FANCA: variants seen among roughly 807,000 people sequenced by gnomAD.
The protein encoded by FANCA is Fanconi anemia group A protein.
In FANCA, 236 loss-of-function variants were observed where a neutral mutation model predicts 194.3. That is an observed-to-expected ratio of 1.21 (90% CI 1.09 to 1.35). The LOEUF (loss-of-function observed/expected upper bound fraction) is 1.35. Among genes scored for constraint, FANCA ranks in the 40% most tolerant of loss-of-function variants. FANCA has a pLI of 0.00. For synonymous variants in FANCA, 1,014 were observed against 715.8 expected (o/e 1.42, Z -6.65); for missense variants, 2,628 against 1,813.9 (o/e 1.45, Z -8.15).
In FANCA at chr16:89,759,987, C is replaced by T. The variant is rs368388512; in HGVS notation, c.2853-1282G>A. On this transcript the variant is annotated intron_variant, in intron 29 of 42. Transcript: ENST00000389301. The stretch of plus-strand genomic sequence containing the variant: ...ACCGGGGTGCTCCACCCACGCTGTC[C>T]GGGACCGGGGTGCTCCACCCACGCT... 4.7e-3 allele frequency among the ~76,000 whole-genome samples: 708 copies of T among 151,922 alleles called. 4 individuals are homozygous for T. Among genetic ancestry groups the T allele is most frequent in the African/African-American group, 0.016 (673 of 41,406 alleles).
chr16:89,806,972 CG>C (rs930336206), intron 6 of FANCA, among the ~76,000 whole-genome samples: 1 of 152,032 alleles, frequency 6.6e-6, no homozygotes, highest in African/African-American at 2.4e-5. Flanking sequence ...GCTGGCCGGG[CG>C]GGGGGCTGAC....
At position 89,809,592 on chromosome 16, in the gene FANCA, G is replaced by A. The variant is rs533689314; in HGVS notation, c.522+1115C>T. On this transcript the variant is annotated intron_variant, in intron 5 of 42. Coordinates refer to ENST00000389301, the MANE Select transcript of FANCA (RefSeq NM_000135.4). ...GGGCAGGGCGCGGTGACTCACACCTGTAATCCCGGCACTTTGGGAGGCCGA... is the reference window on the plus strand; with the variant it reads ...GGGCAGGGCGCGGTGACTCACACCTATAATCCCGGCACTTTGGGAGGCCGA... 1.6e-4 allele frequency among the ~76,000 whole-genome samples: 24 copies of A among 152,124 alleles called. No homozygotes were observed. The South Asian group carries it at 4.8e-3, about 30-fold the overall frequency.
At position 89,742,861 on chromosome 16, in the gene FANCA, T is replaced by A; in HGVS notation, c.3704A>T (p.Gln1235Leu). Reference protein sequence around the residue: ...LSAAALHFAIQQVREENIRKQ... With the variant: ...LSAAALHFAILQVREENIRKQ... ...CCTGATGTTTTCTTCCCTGACTTGT[T>A]GAATCGCAAAGTGCAGTGCAGCAGC... Residue 1235 changes from glutamine (Q) to leucine (L), a missense_variant, in exon 37 of 43, where the codon CAA becomes CTA. Gln to Leu is a moderately radical substitution (Grantham distance 113). Transcript: ENST00000389301. 6.2e-7 allele frequency: 1 copy of A among 1,614,166 alleles called. No individual in the cohort carries two copies. Among genetic ancestry groups the A allele is most frequent in the Non-Finnish European group, 8.5e-7 (1 of 1,180,022 alleles).
chr16:89,789,864 G>C (rs182843888), intron 14 of FANCA, among the ~76,000 whole-genome samples: 5 of 152,228 alleles, frequency 3.3e-5, no homozygotes, highest in African/African-American at 1.2e-4. Context: ...CACATGAACT[G>C]GGGGTTTTCA....
intron 14 of FANCA, chr16:89,791,139 C>G (rs550050633): frequency 2.2e-5 from 11 of 491,440 alleles, no homozygotes; most frequent in Non-Finnish European, 4.1e-5. Context: ...CTAAGTGAGA[C>G]AGAAACCAGG....
At chr16:89,763,028 A>C (rs1318603915) in intron 28 of FANCA, among the ~76,000 whole-genome samples, 1 of 150,786 alleles carries the variant, frequency 6.6e-6, no homozygotes, top group African/African-American at 2.4e-5. Context: ...CGGGAGGATG[A>C]TGAGGTCAGG....
chr16:89,751,653 T>C (rs1436949460), intron 31 of FANCA, among the ~76,000 whole-genome samples: 1 of 152,128 alleles, frequency 6.6e-6, no homozygotes, highest in Non-Finnish European at 1.5e-5. Flanking sequence ...TAAATGCCTG[T>C]TGACTGACAG....
rs776391208 is a variant in FANCA at position 89,749,780 on chromosome 16, C to T, written c.3189G>A (p.Trp1063Ter). ...GTCTCTGAAGGCTGGCAGCCACGCTCCACCCGCTTGTCAGAGCCTGGAGCC... is the reference window on the plus strand; with the variant it reads ...GTCTCTGAAGGCTGGCAGCCACGCTTCACCCGCTTGTCAGAGCCTGGAGCC... Reference protein sequence around the residue: ...RRRLQALTSGWSVAASLQRQR... With the variant: ...RRRLQALTSG Residue 1063 changes from tryptophan (W) to a stop codon, truncating the protein, a stop_gained, in exon 32 of 43, where the codon TGG (tryptophan) becomes TGA (stop). Transcript: ENST00000389301. LOFTEE classifies it high-confidence loss of function. 1 of 1,614,216 alleles carries T rather than the reference C, an allele frequency of 6.2e-7. No individual in the cohort carries two copies. Among genetic ancestry groups the T allele is most frequent in the Non-Finnish European group, 8.5e-7 (1 of 1,180,046 alleles).
At chr16:89,811,248 C>CA (rs1432874382) in intron 3 of FANCA, among the ~76,000 whole-genome samples, 177 bp from the exon 4 acceptor site, 1 of 152,128 alleles carries the variant, frequency 6.6e-6, no homozygotes, top group Non-Finnish European at 1.5e-5. Context: ...TTTGATGATC[C>CA]AAGCAGCTCA....
Position 89,739,997 on chromosome 16 carries a change from T to A in FANCA, c.3931A>T (p.Ser1311Cys). The part of the protein sequence containing the change: ...SWLALFQLTE[S>C]DLRLGRLLLR... Reference sequence around the variant, plus strand: ...GCCTCAGCAGCGTGTTTCTTACCACTCTCTGTCAACTGAAAGAGTGCCAGC... The same window carrying A: ...GCCTCAGCAGCGTGTTTCTTACCACACTCTGTCAACTGAAAGAGTGCCAGC... Residue 1311 changes from serine (S) to cysteine (C), a missense_variant, in exon 39 of 43, where the codon AGT becomes TGT. Ser to Cys is a moderately radical substitution (Grantham distance 112, BLOSUM62 -1). Transcript: ENST00000389301. The A allele has an allele frequency of 1.9e-6, 3 of 1,614,156 alleles. No homozygotes were observed. Among genetic ancestry groups the A allele is most frequent in the South Asian group, 2.2e-5 (2 of 91,088 alleles).
At chr16:89,795,301 A>C (rs941469642) in intron 11 of FANCA, among the ~76,000 whole-genome samples, 2 of 150,334 alleles carry the variant, frequency 1.3e-5, no homozygotes, top group Admixed American at 6.7e-5. Flanking sequence ...TAAATAAATA[A>C]ATAAATAAAT....
rs2049528619 is a variant in FANCA at position 89,738,680 on chromosome 16, G to GGGTC, written c.4285_4288dup (p.Pro1430ArgfsTer17). 6.2e-7 allele frequency: 1 copy of GGGTC among 1,613,790 alleles called. No homozygotes were observed. The highest frequency in any genetic ancestry group is 8.5e-7 in the Non-Finnish European group (1 of 1,180,022). ...GCTCTGGAGGGCGGCGCTCACCTCT[G>GGGTC]GGTCGCAGTCCCCACGATCAGCCAG... On this transcript the variant is annotated frameshift_variant, in exon 43 of 43. Coordinates refer to ENST00000389301, the MANE Select transcript of FANCA (RefSeq NM_000135.4). LOFTEE classifies it low-confidence loss of function (END_TRUNC).
At position 89,738,510 on chromosome 16, in the gene FANCA, A is replaced by G; in HGVS notation, c.*91T>C. On this transcript the variant is annotated 3_prime_UTR_variant, in exon 43 of 43. Coordinates refer to ENST00000389301, the MANE Select transcript of FANCA (RefSeq NM_000135.4). ...CACTAAAGCAGTCGAGGAGATTTGT[A>G]ATCCACTTTTTAGTGCAACAAGAGC... 1 of 1,580,292 alleles carries G rather than the reference A, an allele frequency of 6.3e-7. No individual in the cohort carries two copies. Among genetic ancestry groups the G allele is most frequent in the Non-Finnish European group, 8.7e-7 (1 of 1,153,246 alleles).
rs1196444077 is a variant in FANCA at position 89,816,635 on chromosome 16, C to T, written c.-20G>A. The T allele has an allele frequency of 4.6e-6, 7 of 1,516,832 alleles. No individual in the cohort carries two copies. Among genetic ancestry groups the T allele is most frequent in the Admixed American group, 2.0e-5 (1 of 49,746 alleles). The allele number at this position is 1,516,832 out of a possible 1,614,324, so 94.0% of individuals were successfully genotyped here. A position where few individuals can be genotyped will look rare whatever the true frequency, so the allele number is the denominator to read the frequency against. ...GGACATGGCCTTGGCGCCTACAGCCCCGGCGGCGGCTCCCTGCGCCCGAGC... is the reference window on the plus strand; with the variant it reads ...GGACATGGCCTTGGCGCCTACAGCCTCGGCGGCGGCTCCCTGCGCCCGAGC... On this transcript the variant is annotated 5_prime_UTR_variant, in exon 1 of 43. Transcript: ENST00000389301.
intron 10 of FANCA, chr16:89,798,854 G>A: frequency 2.0e-6 from 3 of 1,524,372 alleles, no homozygotes; most frequent in African/African-American, 1.4e-5. Flanking sequence ...GGAAGGAGGA[G>A]CAAGGGGAGA....
intron 15 of FANCA, among the ~76,000 whole-genome samples, chr16:89,783,994 C>G (rs1168321598): frequency 1.3e-5 from 2 of 152,062 alleles, no homozygotes; most frequent in African/African-American, 4.8e-5. Flanking sequence ...CTCCTGACCT[C>G]AAGTGATCTG....
intron 11 of FANCA, among the ~76,000 whole-genome samples, chr16:89,795,248 G>A (rs374856518): frequency 1.5e-4 from 22 of 150,856 alleles, no homozygotes; most frequent in East Asian, 1.2e-3. Flanking sequence ...TCACGCCACT[G>A]TACTCCAACC....
At chr16:89,806,557 G>A (rs936177686) in intron 6 of FANCA, among the ~76,000 whole-genome samples, 1 of 151,426 alleles carries the variant, frequency 6.6e-6, no homozygotes, top group African/African-American at 2.4e-5. Flanking sequence ...GACTCTTAAC[G>A]AGCATGCTGC....
In FANCA at chr16:89,775,743, T is replaced by A; in HGVS notation, c.1899A>T (p.Glu633Asp). 6.2e-7 allele frequency: 1 copy of A among 1,611,220 alleles called. No homozygotes were observed. Among genetic ancestry groups the A allele is most frequent in the Middle Eastern group, 1.6e-4 (1 of 6,062 alleles). ...TGGACAAGCGGCCCAGGAACTTACCTTCTGGCTTCTCTTCAGCAGCAGAGC... is the reference window on the plus strand; with the variant it reads ...TGGACAAGCGGCCCAGGAACTTACCATCTGGCTTCTCTTCAGCAGCAGAGC... ...QACSAAEEKPEDAALGVRAEP... is the reference protein window; with the variant it reads ...QACSAAEEKPDDAALGVRAEP... The change falls in exon 21 of 43, where the codon GAA (glutamate) becomes GAT (aspartate). Residue 633 changes from glutamate to aspartate, a missense_variant and splice_region_variant. Glu to Asp is a conservative substitution (Grantham distance 45). Coordinates refer to ENST00000389301, the MANE Select transcript of FANCA (RefSeq NM_000135.4).
Sources: gnomAD v4.1 joint callset for allele counts (sites outside exome capture counted in the v4.1 genomes callset) on GRCh38, gnomAD v4.1.1 for gene constraint, MANE v1.5 for transcripts, NCBI Gene and HGNC (gene_info 2026-07-23, HGNC 2026-07-21) for gene names.